AMDHD2: variants seen among roughly 807,000 people sequenced by gnomAD.
AMDHD2 encodes the protein amidohydrolase domain containing 2.
A neutral mutation model predicts 41.8 loss-of-function variants in AMDHD2; 24 were observed. The ratio of observed to expected loss-of-function variants is 0.57; its 90% CI spans 0.42 to 0.81. The LOEUF (loss-of-function observed/expected upper bound fraction) is 0.81, where lower values mean the gene tolerates loss of function less well. Ranked by LOEUF, AMDHD2 falls within the 30% of genes least tolerant of loss-of-function variation. AMDHD2 has a pLI of 0.00. For missense variants in AMDHD2, 540 were observed against 588.5 expected, an observed-to-expected ratio of 0.92 and a Z score of 0.85; for synonymous variants, 332 against 255.5, an observed-to-expected ratio of 1.30 and a Z score of -2.85.
chr16:2,530,053 C>T lies in AMDHD2; in HGVS notation c.*490C>T. The T allele has an allele frequency of 1.2e-6, 1 of 828,614 alleles. No individual in the cohort carries two copies. Among genetic ancestry groups the T allele is most frequent in the Non-Finnish European group, 1.8e-6 (1 of 551,794 alleles). The allele number at this position is 828,614 out of a possible 1,614,324, so 51.3% of individuals were successfully genotyped here. A position where few individuals can be genotyped will look rare whatever the true frequency, so the allele number is the denominator to read the frequency against. ...GACAGTCAGGGGTTTGCTTTCTGCT[C>T]CTGAGTTGGGGTGTGCAGCGTGGAG... On this transcript the variant is annotated 3_prime_UTR_variant, in exon 11 of 11. Coordinates refer to ENST00000293971, the MANE Select transcript of AMDHD2 (RefSeq NM_001330449.2).
At position 2,530,454 on chromosome 16, in the gene AMDHD2, T is replaced by C; in HGVS notation, c.*891T>C. 1.9e-6 allele frequency: 3 copies of C among 1,614,132 alleles called. No homozygotes were observed. Among genetic ancestry groups the C allele is most frequent in the Non-Finnish European group, 2.5e-6 (3 of 1,180,008 alleles). ...AGGCGGGTGGGCTTCTGGAGCCCTC[T>C]TGGCTCTGAGGACAGCCACAGTGGG... On this transcript the variant is annotated 3_prime_UTR_variant, in exon 11 of 11. Coordinates refer to ENST00000293971, the MANE Select transcript of AMDHD2 (RefSeq NM_001330449.2).
chr16:2,524,646 CAG>C lies in AMDHD2; in HGVS notation c.361-2914_361-2913del, dbSNP rs200066227. ...TATCCATAGGGCTTGTGAGGAAAAA[CAG>C]CGGCCCTTTGCCCCAACCAGCATCC... On this transcript the variant is annotated intron_variant, in intron 3 of 10. Transcript: ENST00000293971. Among the ~76,000 whole-genome samples, 327 of 152,254 alleles carry C rather than the reference CAG, an allele frequency of 2.1e-3. 1 individual carries two copies. Among genetic ancestry groups the C allele is most frequent in the African/African-American group, 7.5e-3 (310 of 41,520 alleles).
In AMDHD2 at chr16:2,530,980, G is replaced by A. The variant is rs370865287; in HGVS notation, c.*1417G>A. On this transcript the variant is annotated 3_prime_UTR_variant, in exon 11 of 11. Coordinates refer to ENST00000293971, the MANE Select transcript of AMDHD2 (RefSeq NM_001330449.2). ...GGAGCTGTCTTGCCAGGGCTCCCAGGCAGGGAGAGGCAGGTGAGGTTCTCA... is the reference window on the plus strand; with the variant it reads ...GGAGCTGTCTTGCCAGGGCTCCCAGACAGGGAGAGGCAGGTGAGGTTCTCA... 3.7e-6 allele frequency: 6 copies of A among 1,613,174 alleles called. No homozygotes were observed. In the African/African-American group the frequency reaches 4.0e-5, roughly 11 times the overall value.
rs745387136 is a variant in AMDHD2, at chr16:2,530,703, C to G, written c.*1140C>G. 3 of 1,614,070 alleles carry G rather than the reference C, an allele frequency of 1.9e-6. No individual in the cohort carries two copies. In the South Asian group the frequency reaches 3.3e-5, roughly 18 times the overall value. ...AAGAGATAGGATGGTCTGGGCCCCACCTGTTGGAAGGGAACAGCCAGGGAA... is the reference window on the plus strand; with the variant it reads ...AAGAGATAGGATGGTCTGGGCCCCAGCTGTTGGAAGGGAACAGCCAGGGAA... On this transcript the variant is annotated 3_prime_UTR_variant, in exon 11 of 11. Coordinates refer to ENST00000293971, the MANE Select transcript of AMDHD2 (RefSeq NM_001330449.2).
chr16:2,531,249 C>T lies in AMDHD2; in HGVS notation c.*1686C>T. 1.3e-6 allele frequency: 1 copy of T among 790,566 alleles called. No homozygotes were observed. Among genetic ancestry groups the T allele is most frequent in the South Asian group, 1.9e-5 (1 of 53,820 alleles). 49.0% of individuals were successfully genotyped at this position (790,566 alleles called of 1,614,324 possible). Reference sequence around the variant, plus strand: ...GGGGCTGGCAGAGATGGTTGGTCCACAGGGCTAGCCCTGGGTGGTGGGAGA... The same window carrying T: ...GGGGCTGGCAGAGATGGTTGGTCCATAGGGCTAGCCCTGGGTGGTGGGAGA... On this transcript the variant is annotated 3_prime_UTR_variant, in exon 11 of 11. Coordinates refer to ENST00000293971, the MANE Select transcript of AMDHD2 (RefSeq NM_001330449.2).
Position 2,529,967 on chromosome 16 carries a change from G to A in AMDHD2, c.*404G>A. On this transcript the variant is annotated 3_prime_UTR_variant, in exon 11 of 11. Transcript: ENST00000293971. ...CAGTCAGTGGCTGGTGCCATGGGGT[G>A]AAGCCACCATGGGCTGGGGGTGAAG... 2.6e-6 allele frequency: 2 copies of A among 769,398 alleles called. No homozygotes were observed. The highest frequency in any genetic ancestry group is 2.8e-5 in the East Asian group (1 of 36,244). The allele number at this position is 769,398 out of a possible 1,614,324, so 47.7% of individuals were successfully genotyped here.
chr16:2,529,931 G>A lies in AMDHD2; in HGVS notation c.*368G>A. On this transcript the variant is annotated 3_prime_UTR_variant, in exon 11 of 11. Coordinates refer to ENST00000293971, the MANE Select transcript of AMDHD2 (RefSeq NM_001330449.2). The stretch of plus-strand genomic sequence containing the variant: ...CCCCAGGAAAGTGTCACTATGGGAG[G>A]GAGGGGCAGGCAGTCAGTGGCTGGT... 1.1e-6 allele frequency: 1 copy of A among 926,012 alleles called. No homozygotes were observed. The highest frequency in any genetic ancestry group is 2.0e-5 in the South Asian group (1 of 48,984). The allele number at this position is 926,012 out of a possible 1,614,324, so 57.4% of individuals were successfully genotyped here.
chr16:2,530,405 C>T lies in AMDHD2; in HGVS notation c.*842C>T, dbSNP rs368113946. 20 of 1,614,192 alleles carry T rather than the reference C, an allele frequency of 1.2e-5. No homozygotes were observed. The highest frequency in any genetic ancestry group is 1.6e-4 in the Middle Eastern group (1 of 6,062). ...ACACACCCATGTGGCAAACACGGGC[C>T]GTGAGGCTCCCTGAACAGCTTCGAG... On this transcript the variant is annotated 3_prime_UTR_variant, in exon 11 of 11. Transcript: ENST00000293971.
At position 2,521,135 on chromosome 16, in the gene AMDHD2, CTCCCTGGCTGAGGT is replaced by C. The variant is rs1341543278; in HGVS notation, c.360+13_360+26del. The C allele has an allele frequency of 3.2e-6, 5 of 1,556,838 alleles. No individual in the cohort carries two copies. Among genetic ancestry groups the C allele is most frequent in the African/African-American group, 2.7e-5 (2 of 72,964 alleles). On this transcript the variant is annotated intron_variant, in intron 3 of 10. Transcript: ENST00000293971. ...AGGTTTATCACAAGGTGAGGTGAGGCTCCCTGGCTGAGGTGGAGGGGGCTCCCGGAGCAACCAGC... is the reference window on the plus strand; with the variant it reads ...AGGTTTATCACAAGGTGAGGTGAGGCGGAGGGGGCTCCCGGAGCAACCAGC...
At position 2,527,746 on chromosome 16, in the gene AMDHD2, C is replaced by T. The variant is rs373441510; in HGVS notation, c.416-27C>T. On this transcript the variant is annotated intron_variant, in intron 4 of 10. Transcript: ENST00000293971. This position sits in a 1 kb window ranked among gnomAD's most constrained non-coding sequence, Gnocchi z 6.1. ...AAGGGCTGGGTGGGGCAGGGACCTGCTGGAGCCACTTGCTCCCTCCTCCCA... is the reference window on the plus strand; with the variant it reads ...AAGGGCTGGGTGGGGCAGGGACCTGTTGGAGCCACTTGCTCCCTCCTCCCA... 15 of 1,555,358 alleles carry T rather than the reference C, an allele frequency of 9.6e-6. No homozygotes were observed. In the African/African-American group the frequency reaches 1.9e-4, roughly 20 times the overall value.
At chr16:2,523,877 T>G (rs775733413) in intron 3 of AMDHD2, among the ~76,000 whole-genome samples, 2 of 152,286 alleles carry the variant, frequency 1.3e-5, no homozygotes, top group Non-Finnish European at 2.9e-5. Context: ...TCCCCAGGCC[T>G]CCTCTGCTAA....
At chr16:2,525,503 A>AC (rs2065992392) in intron 3 of AMDHD2, among the ~76,000 whole-genome samples, 1 of 151,626 alleles carries the variant, frequency 6.6e-6, no homozygotes, top group African/African-American at 2.4e-5. Flanking sequence ...AGTAGCTGGG[A>AC]CTACAGGCGT....
chr16:2,522,794 G>A (rs928270326), intron 3 of AMDHD2, among the ~76,000 whole-genome samples: 9 of 152,052 alleles, frequency 5.9e-5, no homozygotes, highest in African/African-American at 1.7e-4. Context: ...GATTATAGGC[G>A]AGAGCCACTG....
Position 2,531,339 on chromosome 16 carries a change from TG to T in AMDHD2, c.*1781del, listed in dbSNP as rs766173969. 9.5e-6 allele frequency: 5 copies of T among 527,740 alleles called. No homozygotes were observed. Among genetic ancestry groups the T allele is most frequent in the Non-Finnish European group, 1.7e-5 (5 of 289,054 alleles). 32.7% of individuals were successfully genotyped at this position (527,740 alleles called of 1,614,324 possible). A position where few individuals can be genotyped will look rare whatever the true frequency, so the allele number is the denominator to read the frequency against. ...GCTGCTGCAGGATGATTTTGAGGTG[TG>T]GGGGAAGCACTCTTGGTTGGTTTTG... On this transcript the variant is annotated 3_prime_UTR_variant, in exon 11 of 11. Transcript: ENST00000293971.
In AMDHD2 at chr16:2,530,973, C is replaced by A. The variant is rs1379188124; in HGVS notation, c.*1410C>A. 6.2e-7 allele frequency: 1 copy of A among 1,613,380 alleles called. No individual in the cohort carries two copies. Among genetic ancestry groups the A allele is most frequent in the Non-Finnish European group, 8.5e-7 (1 of 1,179,928 alleles). ...TGGGAGAGGAGCTGTCTTGCCAGGG[C>A]TCCCAGGCAGGGAGAGGCAGGTGAG... is the stretch of plus-strand genomic sequence containing the variant. On this transcript the variant is annotated 3_prime_UTR_variant, in exon 11 of 11. Coordinates refer to ENST00000293971, the MANE Select transcript of AMDHD2 (RefSeq NM_001330449.2).
chr16:2,530,385 C>T lies in AMDHD2; in HGVS notation c.*822C>T, dbSNP rs768733865. ...TGTGTCCCCTTGGCCCTGGCACACA[C>T]CCATGTGGCAAACACGGGCCGTGAG... On this transcript the variant is annotated 3_prime_UTR_variant, in exon 11 of 11. Transcript: ENST00000293971. 2 of 1,614,084 alleles carry T rather than the reference C, an allele frequency of 1.2e-6. No individual in the cohort carries two copies. The highest frequency in any genetic ancestry group is 2.7e-5 in the African/African-American group (2 of 74,936).
At chr16:2,521,171 C>A (rs532533771) in intron 3 of AMDHD2, 48 bp downstream of exon 3, 3 of 1,500,330 alleles carry the variant, frequency 2.0e-6, no homozygotes, top group Non-Finnish European at 2.7e-6. Context: ...CCGGAGCAAC[C>A]AGCGCCCTCA....
Position 2,529,585 on chromosome 16 carries a change from C to T in AMDHD2, c.*22C>T. The T allele has an allele frequency of 6.2e-7, 1 of 1,604,560 alleles. No homozygotes were observed. Among genetic ancestry groups the T allele is most frequent in the Middle Eastern group, 1.7e-4 (1 of 6,000 alleles). Reference sequence around the variant, plus strand: ...GTGACAAGGACCTCGGCTGAGAGGACACCTGGCCGCAGCGGGATGCCATCA... The same window carrying T: ...GTGACAAGGACCTCGGCTGAGAGGATACCTGGCCGCAGCGGGATGCCATCA... On this transcript the variant is annotated 3_prime_UTR_variant, in exon 11 of 11. Coordinates refer to ENST00000293971, the MANE Select transcript of AMDHD2 (RefSeq NM_001330449.2).
chr16:2,524,556 G>A (rs1376251661), intron 3 of AMDHD2, among the ~76,000 whole-genome samples: 1 of 152,106 alleles, frequency 6.6e-6, no homozygotes, highest in Non-Finnish European at 1.5e-5. Flanking sequence ...CTCCATTCTG[G>A]AAAAACTCAG....
Sources: gnomAD v4.1 joint callset for allele counts (sites outside exome capture counted in the v4.1 genomes callset) on GRCh38, gnomAD v4.1.1 for gene constraint, Gnocchi (gnomAD v3.1) non-coding constraint, MANE v1.5 for transcripts, NCBI Gene and HGNC (gene_info 2026-07-23, HGNC 2026-07-21) for gene names.